IP6K3: variants seen among roughly 807,000 people sequenced by gnomAD.
IP6K3 encodes ATP:1D-myo-inositol-hexakisphosphate phosphotransferase.
Under a neutral mutation model 28.8 loss-of-function variants are expected in IP6K3, and 20 were observed. The ratio of observed to expected loss-of-function variants is 0.70; its 90% confidence interval spans 0.49 to 1.01. The LOEUF is 1.01. Among genes scored for constraint, IP6K3 ranks in the 50% least tolerant of loss-of-function variants. The probability of loss-of-function intolerance (pLI) is 0.00; values close to 1 mark genes in which losing one functional copy is unlikely to be tolerated. For missense variants in IP6K3, 480 were observed against 537.1 expected (o/e 0.89, Z 1.05); for synonymous variants, 213 against 221.3 (o/e 0.96, Z 0.33).
intron 1 of IP6K3, among the ~76,000 whole-genome samples, chr6:33,745,693 G>T (rs1297388385): frequency 6.6e-6 from 1 of 152,192 alleles, no homozygotes; most frequent in Non-Finnish European, 1.5e-5. Flanking sequence ...GCCAGCTGGG[G>T]AAAGGAGACT....
At chr6:33,756,316 A>G in the IP6K3 span, among the ~76,000 whole-genome samples, 1 of 152,146 alleles carries the variant, frequency 6.6e-6, no homozygotes, top group African/African-American at 2.4e-5. Context: ...TTGAGCAGAG[A>G]CTTGAGGAGG....
rs934665194 is a variant in IP6K3, at chr6:33,722,780, G to A, written c.1173C>T (p.Gly391=). 13 of 1,613,990 alleles carry A rather than the reference G, an allele frequency of 8.1e-6. No homozygotes were observed. The highest frequency in any genetic ancestry group is 1.1e-5 in the South Asian group (1 of 91,058). ...EHTTYDGPDP[G]YIFGLENLIR... The stretch of plus-strand genomic sequence containing the variant: ...TGAGGTTTTCCAGGCCAAAAATATA[G>A]CCAGGGTCTGGTCCATCGTAGGTGG... The change falls in exon 6 of 6, where the codon GGC becomes GGT. Residue 391 remains glycine, a synonymous_variant. Transcript: ENST00000293756.
chr6:33,752,974 T>G, the IP6K3 span, among the ~76,000 whole-genome samples: 2 of 152,230 alleles, frequency 1.3e-5, no homozygotes, highest in Non-Finnish European at 2.9e-5. Flanking sequence ...GACAGGCTCA[T>G]GTTCTGTTGC....
In IP6K3 at chr6:33,722,588, T is replaced by C. The variant is rs1008964237; in HGVS notation, c.*132A>G. On this transcript the variant is annotated 3_prime_UTR_variant, in exon 6 of 6. Transcript: ENST00000293756. ...GCAGCTGTTAATATAGTCTGCCATA[T>C]ATAGAGATGGTTTTTGAAGGTAGAT... The C allele has an allele frequency of 1.6e-5, 10 of 641,968 alleles. No homozygotes were observed. Among genetic ancestry groups the C allele is most frequent in the Non-Finnish European group, 1.9e-5 (7 of 360,178 alleles). The allele number at this position is 641,968 out of a possible 1,614,324, so 39.8% of individuals were successfully genotyped here. A position where few individuals can be genotyped will look rare whatever the true frequency, so the allele number is the denominator to read the frequency against.
At chr6:33,748,430 G>A (rs138519536), upstream of IP6K3, among the ~76,000 whole-genome samples, 8 of 151,964 alleles carry the variant, frequency 5.3e-5, no homozygotes, top group East Asian at 3.9e-4. Flanking sequence ...CCACTTCAAC[G>A]CTCAGCACAG....
intron 2 of IP6K3, among the ~76,000 whole-genome samples, chr6:33,731,888 T>C (rs1324741270): frequency 1.3e-5 from 2 of 151,798 alleles, no homozygotes; most frequent in African/African-American, 4.8e-5. Context: ...GCCAGAGTCT[T>C]CCTGCCTGCC....
At chr6:33,734,296 C>T (rs1411620879) in intron 2 of IP6K3, among the ~76,000 whole-genome samples, 4 of 152,082 alleles carry the variant, frequency 2.6e-5, no homozygotes, top group South Asian at 4.2e-4. Flanking sequence ...GGCGTGGGGA[C>T]CTGTGCGCCT....
the IP6K3 span, among the ~76,000 whole-genome samples, chr6:33,758,374 CA>C: frequency 6.6e-6 from 1 of 151,914 alleles, no homozygotes; most frequent in Non-Finnish European, 1.5e-5. Context: ...ACAAACAAAA[CA>C]AAAAAACTGG....
rs1766820120 is a variant in IP6K3 at position 33,744,027 on chromosome 6, CATG to C, written c.-180+2728_-180+2730del. ...GATCTTGCTGTCAAGGTGGGAGAAA[CATG>C]GGGGCAAGATGACTCACGAAGTCAA... On this transcript the variant is annotated intron_variant, in intron 1 of 5. Coordinates refer to ENST00000293756, the MANE Select transcript of IP6K3 (RefSeq NM_054111.5). This position sits in a 1 kb window ranked among gnomAD's most constrained non-coding sequence, Gnocchi z 4.4. 6.6e-6 allele frequency among the ~76,000 whole-genome samples: 1 copy of C among 152,112 alleles called. No individual in the cohort carries two copies. Among genetic ancestry groups the C allele is most frequent in the Non-Finnish European group, 1.5e-5 (1 of 68,020 alleles).
chr6:33,755,324 T>C, the IP6K3 span, among the ~76,000 whole-genome samples: 2 of 152,246 alleles, frequency 1.3e-5, no homozygotes, highest in East Asian at 3.9e-4. Flanking sequence ...CAGGTGCAGA[T>C]AAAATTAGGC....
At chr6:33,756,593 G>A in the IP6K3 span, among the ~76,000 whole-genome samples, 1 of 152,126 alleles carries the variant, frequency 6.6e-6, no homozygotes, top group African/African-American at 2.4e-5. Context: ...GAAATCTTGG[G>A]GCCCTTCTGA....
rs774339572 is a variant in IP6K3 at position 33,728,120 on chromosome 6, G to A, written c.380C>T (p.Pro127Leu). Residue 127 changes from proline (P) to leucine (L), a missense_variant, in exon 3 of 6, where the codon CCG becomes CTG. Pro to Leu is a moderately conservative substitution (Grantham distance 98). Coordinates refer to ENST00000293756, the MANE Select transcript of IP6K3 (RefSeq NM_054111.5). The part of the protein sequence containing the change: ...NGSDCTLAQW[P>L]HAQLARSPKE... ...GGGTGAGCGTGCCAGCTGGGCATGCGGCCACTGGGCAAGGGTGCAGTCGCT... is the reference window on the plus strand; with the variant it reads ...GGGTGAGCGTGCCAGCTGGGCATGCAGCCACTGGGCAAGGGTGCAGTCGCT... The A allele has an allele frequency of 3.7e-6, 6 of 1,607,824 alleles. No individual in the cohort carries two copies. Among genetic ancestry groups the A allele is most frequent in the South Asian group, 3.3e-5 (3 of 91,060 alleles).
In IP6K3 at chr6:33,735,440, T is replaced by C. The variant is rs867112580; in HGVS notation, c.37A>G (p.Arg13Gly). 1 of 1,611,192 alleles carries C rather than the reference T, an allele frequency of 6.2e-7. No individual in the cohort carries two copies. The change falls in exon 2 of 6, where the codon AGG becomes GGG. Residue 13 changes from arginine (R) to glycine (G), a missense_variant. Physicochemically the swap from Arg to Gly is moderately radical, Grantham distance 125. Coordinates refer to ENST00000293756, the MANE Select transcript of IP6K3 (RefSeq NM_054111.5). The stretch of plus-strand genomic sequence containing the variant: ...AAGGGCTCCAGCTGCACGCCTGCCC[T>C]CATGTCCCCGGCGTCTGCGCTGTTT... ...VQNSADAGDM[R>G]AGVQLEPFLH...
chr6:33,750,966 C>T (rs921908488), upstream of IP6K3, among the ~76,000 whole-genome samples: 2 of 152,168 alleles, frequency 1.3e-5, no homozygotes, highest in African/African-American at 4.8e-5. This position sits in a 1 kb window ranked among gnomAD's most constrained non-coding sequence, Gnocchi z 4.3. Context: ...TACAGACCTG[C>T]CCAGGTTCCA....
intron 3 of IP6K3, chr6:33,727,754 T>C (rs1766170911): frequency 1.2e-6 from 1 of 861,606 alleles, no homozygotes; most frequent in Non-Finnish European, 1.4e-6. Flanking sequence ...AGGGTTTCTG[T>C]TTTGTGTACT....
intron 1 of IP6K3, among the ~76,000 whole-genome samples, chr6:33,745,016 T>C (rs1766855148): frequency 6.6e-6 from 1 of 152,210 alleles, no homozygotes; most frequent in African/African-American, 2.4e-5. Context: ...GCCTCTCAGC[T>C]GCCAGCTGGG....
At chr6:33,735,900 C>G (rs1766506633) in intron 1 of IP6K3, among the ~76,000 whole-genome samples, 1 of 152,208 alleles carries the variant, frequency 6.6e-6, no homozygotes, top group African/African-American at 2.4e-5. Flanking sequence ...TGTGGTCTTG[C>G]TCTGTCGCCC....
intron 5 of IP6K3, among the ~76,000 whole-genome samples, chr6:33,725,154 G>A (rs909986793): frequency 2.6e-5 from 4 of 151,644 alleles, no homozygotes; most frequent in South Asian, 4.2e-4. Flanking sequence ...GCATGAACCC[G>A]GGAGGCGGAG....
rs1366117808 is a variant in IP6K3 at position 33,742,313 on chromosome 6, G to A, written c.-180+4445C>T. On this transcript the variant is annotated intron_variant, in intron 1 of 5. Transcript: ENST00000293756. The surrounding 1 kb of genome is among the most constrained non-coding windows in gnomAD (Gnocchi z 4.5). ...TGCTCTGGCTGTCTCTGGGAGTCTC[G>A]GAGACCCAGGACCAAGACCCAAGTC... Among the ~76,000 whole-genome samples the A allele has an allele frequency of 2.6e-5, 4 of 152,150 alleles. No homozygotes were observed. Among genetic ancestry groups the A allele is most frequent in the East Asian group, 1.9e-4 (1 of 5,186 alleles).
Sources: gnomAD v4.1 joint callset for allele counts (sites outside exome capture counted in the v4.1 genomes callset) on GRCh38, gnomAD v4.1.1 for gene constraint, Gnocchi (gnomAD v3.1) non-coding constraint, MANE v1.5 for transcripts, NCBI Gene and HGNC (gene_info 2026-07-23, HGNC 2026-07-21) for gene names.